Variants in CCDC63 observed in about 807,000 individuals in gnomAD.
The protein encoded by CCDC63 is coiled-coil domain containing 63.
A neutral mutation model predicts 63.6 loss-of-function variants in CCDC63; 54 were observed. That is an observed-to-expected ratio of 0.85 (90% CI 0.68 to 1.07). The LOEUF (loss-of-function observed/expected upper bound fraction) is 1.07, where lower values mean the gene tolerates loss of function less well. CCDC63 is among the 50% of genes least tolerant of loss of function. The pLI, the probability that CCDC63 is intolerant of heterozygous loss-of-function variation, is 0.00. For synonymous variants in CCDC63, 253 were observed against 266.1 expected (o/e 0.95, Z 0.48); for missense variants, 637 against 689.6 (o/e 0.92, Z 0.86).
intron 10 of CCDC63, among the ~76,000 whole-genome samples, chr12:110,900,198 G>C (rs910858668): frequency 6.6e-6 from 1 of 152,040 alleles, no homozygotes; most frequent in Non-Finnish European, 1.5e-5. Context: ...GGGTAACAGA[G>C]CAAGACTCTG....
intron 4 of CCDC63, among the ~76,000 whole-genome samples, chr12:110,867,128 A>G (rs1460643402): frequency 3.4e-5 from 3 of 88,142 alleles, no homozygotes; most frequent in Admixed American, 1.2e-4. Flanking sequence ...AGGGGGGCTG[A>G]CCCCCCCCAC....
At chr12:110,896,906 C>T (rs2071421973) in intron 9 of CCDC63, among the ~76,000 whole-genome samples, 1 of 152,154 alleles carries the variant, frequency 6.6e-6, no homozygotes, top group Admixed American at 6.5e-5. Context: ...CTGGTCCACC[C>T]CCAGGGCCTT....
At chr12:110,872,321 G>A (rs2071077979) in intron 4 of CCDC63, among the ~76,000 whole-genome samples, 1 of 152,206 alleles carries the variant, frequency 6.6e-6, no homozygotes, top group African/African-American at 2.4e-5. Context: ...ATTTGACCAA[G>A]GGCTGGAGTT....
At chr12:110,860,256 G>C (rs1186104519) in intron 4 of CCDC63, among the ~76,000 whole-genome samples, 1 of 152,236 alleles carries the variant, frequency 6.6e-6, no homozygotes, top group Non-Finnish European at 1.5e-5. Context: ...CAGCGATGCA[G>C]CCAGGTCAGC....
intron 10 of CCDC63, among the ~76,000 whole-genome samples, chr12:110,902,022 G>A (rs1384575234): frequency 6.6e-6 from 1 of 151,968 alleles, no homozygotes; most frequent in African/African-American, 2.4e-5. Context: ...ATAGAGATGG[G>A]GTTTCACCAC....
Position 110,893,069 on chromosome 12 carries a change from C to T in CCDC63, c.1075-7C>T, listed in dbSNP as rs201866199. The T allele has an allele frequency of 1.8e-5, 29 of 1,613,492 alleles. No individual in the cohort carries two copies. In the Middle Eastern group the frequency reaches 9.9e-4, roughly 55 times the overall value. The stretch of plus-strand genomic sequence containing the variant: ...TTTTCCTCATGGTCTTGTTCTCTCC[C>T]GAGCAGGACGAGATCATCCTCTTGC... On this transcript the variant is annotated splice_region_variant and splice_polypyrimidine_tract_variant and intron_variant, in intron 8 of 11. Transcript: ENST00000308208.
intron 10 of CCDC63, 126 bp downstream of exon 10, chr12:110,899,251 C>G (rs2071454649): frequency 3.8e-6 from 3 of 788,010 alleles, no homozygotes; most frequent in African/African-American, 3.5e-5. Context: ...CTAAAGCCAG[C>G]CTGCCTGGGT....
chr12:110,906,894 A>G (rs1202978271), intron 11 of CCDC63, among the ~76,000 whole-genome samples: 1 of 152,216 alleles, frequency 6.6e-6, no homozygotes, highest in Non-Finnish European at 1.5e-5. Flanking sequence ...GTTGATGAAC[A>G]TTAGGTTCTC....
rs758324893 is a variant in CCDC63, at chr12:110,853,422, A to G, written c.27A>G (p.Arg9=). The G allele has an allele frequency of 1.9e-6, 3 of 1,611,102 alleles. No individual in the cohort carries two copies. Among genetic ancestry groups the G allele is most frequent in the Non-Finnish European group, 2.5e-6 (3 of 1,179,412 alleles). Residue 9 remains arginine (R), a synonymous_variant, in exon 3 of 12, where the codon AGA becomes AGG. Coordinates refer to ENST00000308208, the MANE Select transcript of CCDC63 (RefSeq NM_152591.3). MSVLKKNR[R]KDSDTPQEPS... ...TCCCCCAGTTGAAGAAGAACAGGAG[A>G]AAAGACTCCGACACTCCCCAGGAAC...
At chr12:110,849,280 A>G (rs564900534) in intron 1 of CCDC63, among the ~76,000 whole-genome samples, 58 of 152,338 alleles carry the variant, frequency 3.8e-4, no homozygotes, top group African/African-American at 1.4e-3. Flanking sequence ...TTCACCTAAC[A>G]TGATGTCTAG....
At chr12:110,855,221 A>G (rs1461316155) in intron 3 of CCDC63, among the ~76,000 whole-genome samples, 1 of 152,206 alleles carries the variant, frequency 6.6e-6, no homozygotes, top group Admixed American at 6.5e-5. Context: ...TCTGTTGGAA[A>G]AATTGTCATT....
chr12:110,900,706 T>G (rs1270630446), intron 10 of CCDC63, among the ~76,000 whole-genome samples: 1 of 152,094 alleles, frequency 6.6e-6, no homozygotes, highest in Non-Finnish European at 1.5e-5. Context: ...TTCAAGTGAT[T>G]CTCCTGCCTC....
At chr12:110,899,937 G>C (rs2071465826) in intron 10 of CCDC63, among the ~76,000 whole-genome samples, 1 of 152,022 alleles carries the variant, frequency 6.6e-6, no homozygotes, top group East Asian at 1.9e-4. Flanking sequence ...AACTAGGCCA[G>C]GCACAGTGGC....
intron 4 of CCDC63, among the ~76,000 whole-genome samples, chr12:110,861,508 C>T (rs2070852855): frequency 1.3e-5 from 2 of 152,078 alleles, no homozygotes; most frequent in African/African-American, 2.4e-5. Context: ...TTCCCTCTGC[C>T]TGGAGTGCCT....
chr12:110,905,309 G>T (rs1188394032), intron 11 of CCDC63, among the ~76,000 whole-genome samples: 1 of 152,020 alleles, frequency 6.6e-6, no homozygotes, highest in Non-Finnish European at 1.5e-5. Flanking sequence ...GAAGCGAAAT[G>T]GTCAACTGTG....
At chr12:110,894,418 C>G (rs2071393001) in intron 9 of CCDC63, among the ~76,000 whole-genome samples, 1 of 151,920 alleles carries the variant, frequency 6.6e-6, no homozygotes, top group Admixed American at 6.6e-5. Context: ...TAGCATATGT[C>G]TGACAAAGAC....
chr12:110,882,141 T>C (rs2071216868), intron 7 of CCDC63, among the ~76,000 whole-genome samples: 1 of 152,174 alleles, frequency 6.6e-6, no homozygotes, highest in South Asian at 2.1e-4. Flanking sequence ...TGGAGGAAAC[T>C]GGGCGCAAGC....
At chr12:110,867,403 A>AC (rs567127947) in intron 4 of CCDC63, among the ~76,000 whole-genome samples, 3 of 106,528 alleles carry the variant, frequency 2.8e-5, no homozygotes, top group African/African-American at 1.1e-4. Flanking sequence ...CGGGGGGCTG[A>AC]CCCCCCCATC....
chr12:110,866,463 C>T (rs868720650), intron 4 of CCDC63, among the ~76,000 whole-genome samples: 42 of 145,302 alleles, frequency 2.9e-4, no homozygotes, highest in Admixed American at 1.5e-3. Flanking sequence ...GAGGACCCTG[C>T]GGCCTTCCGC....
Sources: allele counts gnomAD v4.1 joint callset (sites outside exome capture counted in the v4.1 genomes callset), GRCh38; gene constraint gnomAD v4.1.1; transcripts MANE v1.5; gene names NCBI Gene and HGNC (gene_info 2026-07-23, HGNC 2026-07-21).